The following DLG2 variants were observed in gnomAD, a reference collection of about 807,000 sequenced individuals.
The protein encoded by DLG2 is disks large homolog 2.
A neutral mutation model predicts 132.5 loss-of-function variants in DLG2; 45 were observed. The ratio of observed to expected loss-of-function variants is 0.34; its 90% CI spans 0.27 to 0.44. DLG2 has a LOEUF of 0.44. Among genes scored for constraint, DLG2 ranks in the 20% least tolerant of loss-of-function variants. DLG2 has a pLI of 1.00. For missense variants in DLG2, 1,045 were observed against 1,196.9 expected, an observed-to-expected ratio of 0.87 and a Z score of 1.87; for synonymous variants, 424 against 419.6, an observed-to-expected ratio of 1.01 and a Z score of -0.13.
At chr11:83,918,748 C>A (rs2675718) in intron 15 of DLG2, among the ~76,000 whole-genome samples, 2 of 152,002 alleles carry the variant, frequency 1.3e-5, no homozygotes, top group African/African-American at 4.8e-5. Flanking sequence ...GGGTCCCACA[C>A]GGCGCCTGTC....
intron 9 of DLG2, among the ~76,000 whole-genome samples, chr11:84,131,175 A>G (rs998560388): frequency 3.3e-5 from 5 of 151,964 alleles, no homozygotes; most frequent in Non-Finnish European, 7.4e-5. Context: ...ACATACAGGC[A>G]GAAGGAGGCA....
chr11:84,299,059 G>A (rs1464753926), intron 7 of DLG2, among the ~76,000 whole-genome samples: 1 of 152,158 alleles, frequency 6.6e-6, no homozygotes, highest in African/African-American at 2.4e-5. Flanking sequence ...TTTAAGAAAC[G>A]TTCCACATAT....
intron 7 of DLG2, among the ~76,000 whole-genome samples, chr11:84,426,440 T>A (rs945587135): frequency 3.0e-4 from 45 of 152,264 alleles, no homozygotes; most frequent in Non-Finnish European, 5.6e-4. Flanking sequence ...CATTAGGACA[T>A]GCTAACTGTG....
chr11:84,854,697 C>A (rs1407601964), intron 6 of DLG2, among the ~76,000 whole-genome samples: 2 of 151,986 alleles, frequency 1.3e-5, no homozygotes, highest in African/African-American at 2.4e-5. Context: ...GTTTCCATGT[C>A]TGTCCCTGCC....
chr11:84,546,598 G>T (rs1452683734), intron 6 of DLG2: 2 of 478,764 alleles, frequency 4.2e-6, no homozygotes, highest in South Asian at 1.7e-5. Flanking sequence ...TTGGTTCCAC[G>T]ACTCTCTCAT....
chr11:84,958,704 G>T (rs920200670), intron 6 of DLG2, among the ~76,000 whole-genome samples: 1 of 152,104 alleles, frequency 6.6e-6, no homozygotes, highest in Non-Finnish European at 1.5e-5. Context: ...TGGGAGTTCT[G>T]CTCGCTGTCC....
At chr11:83,812,550 A>G (rs1449800306) in intron 17 of DLG2, among the ~76,000 whole-genome samples, 1 of 152,182 alleles carries the variant, frequency 6.6e-6, no homozygotes, top group Admixed American at 6.5e-5. Flanking sequence ...TGTTTCTGAA[A>G]TTCTTTCCTC....
rs2079963140 is a variant in DLG2, at chr11:85,598,886, G to C, written c.-92-98C>G. The C allele has an allele frequency of 1.3e-5, 5 of 392,946 alleles. No individual in the cohort carries two copies. In the East Asian group the frequency reaches 1.9e-4, roughly 15 times the overall value. 24.3% of individuals were successfully genotyped at this position (392,946 alleles called of 1,614,324 possible). On this transcript the variant is annotated intron_variant, in intron 2 of 27. Transcript: ENST00000376104. ...AATTGTGTTCCTAACTTAATGACAT[G>C]AAATAACTTAATAAAATAATCATAA...
intron 18 of DLG2, among the ~76,000 whole-genome samples, chr11:83,743,534 AG>A (rs985166934): frequency 6.7e-6 from 1 of 150,150 alleles, no homozygotes; most frequent in Non-Finnish European, 1.5e-5. Context: ...CCTGGGTTTA[AG>A]GGATCCTCCC....
intron 19 of DLG2, among the ~76,000 whole-genome samples, chr11:83,603,334 T>A (rs1313136783): frequency 2.0e-5 from 3 of 152,156 alleles, no homozygotes; most frequent in African/African-American, 7.2e-5. Flanking sequence ...TCTTTCTTTT[T>A]TTGGCCCATC....
At chr11:84,916,348 C>CAAA (rs11423369) in intron 6 of DLG2, among the ~76,000 whole-genome samples, 1,674 of 27,950 alleles carry the variant, frequency 0.06, 436 homozygotes, top group East Asian at 0.11. Flanking sequence ...GACTCCGTCT[C>CAAA]AAAAAAAAAA....
chr11:85,508,383 T>C (rs935915867), intron 3 of DLG2, among the ~76,000 whole-genome samples: 3 of 152,084 alleles, frequency 2.0e-5, no homozygotes, highest in Non-Finnish European at 2.9e-5. Flanking sequence ...CTATTCCCTC[T>C]GCCTGATTAA....
intron 15 of DLG2, among the ~76,000 whole-genome samples, chr11:83,926,865 G>A (rs149457629): frequency 2.5e-3 from 376 of 152,230 alleles, no homozygotes; most frequent in Middle Eastern, 0.01. Flanking sequence ...TGCATTTCAA[G>A]ATACAGTGGC....
chr11:85,159,769 A>G (rs1455664952), intron 4 of DLG2, among the ~76,000 whole-genome samples: 1 of 152,234 alleles, frequency 6.6e-6, no homozygotes, highest in Non-Finnish European at 1.5e-5. Flanking sequence ...GCCTTCAGCC[A>G]GCAAGGTCAA....
intron 16 of DLG2, among the ~76,000 whole-genome samples, chr11:83,834,500 G>C (rs2055531201): frequency 6.6e-6 from 1 of 152,158 alleles, no homozygotes. Flanking sequence ...ATTGGAAAAA[G>C]AGGAGAGAGA....
chr11:84,704,870 C>T (rs1474682495), intron 6 of DLG2, among the ~76,000 whole-genome samples: 1 of 149,524 alleles, frequency 6.7e-6, no homozygotes, highest in Non-Finnish European at 1.5e-5. Context: ...TACACACACA[C>T]ACACATATAT....
intron 7 of DLG2, among the ~76,000 whole-genome samples, chr11:84,462,431 C>G (rs1464931102): frequency 6.6e-6 from 1 of 151,024 alleles, no homozygotes; most frequent in Middle Eastern, 3.2e-3. Flanking sequence ...AACACAGTGA[C>G]CACTGTGCTT....
At chr11:85,167,086 G>T (rs920866938) in intron 4 of DLG2, among the ~76,000 whole-genome samples, 2 of 152,030 alleles carry the variant, frequency 1.3e-5, no homozygotes, top group Non-Finnish European at 2.9e-5. Flanking sequence ...TGAGCATCAT[G>T]TACAAAATCT....
chr11:83,880,267 GAATAA>G lies in DLG2; in HGVS notation c.1497-5784_1497-5780del, dbSNP rs962136577. On this transcript the variant is annotated intron_variant, in intron 15 of 27. Coordinates refer to ENST00000376104, the MANE Select transcript of DLG2 (RefSeq NM_001142699.3). Reference sequence around the variant, plus strand: ...AGAAAAGTAAACCTGAAACTATTCTGAATAATGAAAGGAAGTGGAGGAAATCTATA... The same window carrying G: ...AGAAAAGTAAACCTGAAACTATTCTGTGAAAGGAAGTGGAGGAAATCTATA... Among the ~76,000 whole-genome samples the G allele has an allele frequency of 2.6e-5, 4 of 152,284 alleles. 1 individual carries two copies.
Sources: allele counts gnomAD v4.1 joint callset (sites outside exome capture counted in the v4.1 genomes callset), GRCh38; gene constraint gnomAD v4.1.1; transcripts MANE v1.5; gene names NCBI Gene and HGNC (gene_info 2026-07-23, HGNC 2026-07-21).